PDZD2: variants seen among roughly 807,000 people sequenced by gnomAD.
The protein encoded by PDZD2 is PDZ domain containing 2.
In PDZD2, 90 loss-of-function variants were observed where a neutral mutation model predicts 220.7. The observed-to-expected ratio is 0.41, with a 90% confidence interval of 0.34 to 0.49. PDZD2 has a LOEUF of 0.49. Ranked by LOEUF, PDZD2 falls within the 20% of genes least tolerant of loss-of-function variation. The pLI is 0.28. For missense variants in PDZD2, 3,174 were observed against 3,608.5 expected (o/e 0.88, Z 3.08); for synonymous variants, 1,375 against 1,450.5 (o/e 0.95, Z 1.18).
At chr5:31,668,350 C>G (rs1476659501) in intron 1 of PDZD2, among the ~76,000 whole-genome samples, 1 of 152,088 alleles carries the variant, frequency 6.6e-6, no homozygotes, top group African/African-American at 2.4e-5. Context: ...TCCTTAGAAC[C>G]ACGGGGCTGC....
chr5:32,070,472 A>G (rs1740635065), intron 15 of PDZD2, among the ~76,000 whole-genome samples: 1 of 152,170 alleles, frequency 6.6e-6, no homozygotes, highest in Admixed American at 6.5e-5. Context: ...CCACTTGATC[A>G]TTTATAAAGA....
chr5:31,808,734 G>T (rs1754893276), intron 2 of PDZD2, among the ~76,000 whole-genome samples: 1 of 152,098 alleles, frequency 6.6e-6, no homozygotes, highest in African/African-American at 2.4e-5. Flanking sequence ...GCCAGCACTT[G>T]GGGAGGCTGA....
chr5:31,852,805 C>T (rs1758135088), intron 2 of PDZD2, among the ~76,000 whole-genome samples: 1 of 152,194 alleles, frequency 6.6e-6, no homozygotes, highest in Non-Finnish European at 1.5e-5. Flanking sequence ...CCATGTTGGT[C>T]AGGCTGGTCT....
rs530650296 is a variant in PDZD2 at position 31,888,164 on chromosome 5, T to A, written c.476+88440T>A. On this transcript the variant is annotated intron_variant, in intron 2 of 24. Coordinates refer to ENST00000438447, the MANE Select transcript of PDZD2 (RefSeq NM_178140.4). The stretch of plus-strand genomic sequence containing the variant: ...TTTCTTTTTCTTTTTTATTTTCTCT[T>A]CTTTCCTCTTTTCTTCTCTTCTCTT... Among the ~76,000 whole-genome samples, 8 of 152,146 alleles carry A rather than the reference T, an allele frequency of 5.3e-5. No homozygotes were observed. In the East Asian group the frequency reaches 1.5e-3, roughly 29 times the overall value.
Position 31,914,303 on chromosome 5 carries a change from G to A in PDZD2, c.477-68852G>A, listed in dbSNP as rs557449740. ...TCCCAATACTTTGGGGGGCTGAGGC[G>A]GGTGGATCACGAGGTCAGGAGTTCA... On this transcript the variant is annotated intron_variant, in intron 2 of 24. Transcript: ENST00000438447. Among the ~76,000 whole-genome samples, 55 of 152,340 alleles carry A rather than the reference G, an allele frequency of 3.6e-4. 1 individual carries two copies. Among genetic ancestry groups the A allele is most frequent in the African/African-American group, 1.2e-3 (48 of 41,590 alleles).
At chr5:32,028,946 T>C (rs530312508) in intron 6 of PDZD2, among the ~76,000 whole-genome samples, 6 of 152,276 alleles carry the variant, frequency 3.9e-5, no homozygotes, top group African/African-American at 1.4e-4. Flanking sequence ...GCCTCCCAAA[T>C]TGCTGGGATT....
chr5:32,057,966 G>C lies in PDZD2; in HGVS notation c.2063G>C (p.Ser688Thr), dbSNP rs773726958. 1 of 1,613,812 alleles carries C rather than the reference G, an allele frequency of 6.2e-7. No individual in the cohort carries two copies. Among genetic ancestry groups the C allele is most frequent in the African/African-American group, 1.3e-5 (1 of 74,900 alleles). Residue 688 changes from serine (S) to threonine (T), a missense_variant, in exon 12 of 25, where the codon AGC becomes ACC. Transcript: ENST00000438447. The stretch of plus-strand genomic sequence containing the variant: ...CCCTGCTCGACACCCACACACATGA[G>C]CAGATCCGCCTCCCCGAACTTCAAT... ...LTPCSTPTHM[S>T]RSASPNFNTS...
At chr5:32,097,837 T>C (rs1020737547) in intron 22 of PDZD2, among the ~76,000 whole-genome samples, 6 of 152,152 alleles carry the variant, frequency 3.9e-5, no homozygotes, top group Non-Finnish European at 1.5e-5. Context: ...GCCAGGCCCA[T>C]GTCAGACACT....
At chr5:31,928,915 A>G (rs1745019721) in intron 2 of PDZD2, among the ~76,000 whole-genome samples, 1 of 152,036 alleles carries the variant, frequency 6.6e-6, no homozygotes, top group Admixed American at 6.5e-5. Flanking sequence ...AAGAGGGAAT[A>G]TTAAGGATCT....
At chr5:31,702,948 C>T (rs1043410580) in intron 1 of PDZD2, among the ~76,000 whole-genome samples, 8 of 152,312 alleles carry the variant, frequency 5.3e-5, no homozygotes, top group Admixed American at 1.3e-4. Flanking sequence ...TTCAGTCTGC[C>T]GGGGCAGGGG....
chr5:31,881,779 G>A (rs918651431), intron 2 of PDZD2, among the ~76,000 whole-genome samples: 3 of 151,280 alleles, frequency 2.0e-5, no homozygotes, highest in African/African-American at 7.3e-5. Context: ...GCAGTGGCAC[G>A]ATCTCAGCTC....
chr5:31,735,150 G>A (rs1373677905), intron 1 of PDZD2, among the ~76,000 whole-genome samples: 4 of 152,172 alleles, frequency 2.6e-5, no homozygotes, highest in African/African-American at 7.2e-5. Flanking sequence ...TGGATATGAT[G>A]GCAGCTCAAG....
intron 7 of PDZD2, among the ~76,000 whole-genome samples, chr5:32,037,781 G>A (rs1304324432): frequency 6.6e-6 from 1 of 152,106 alleles, no homozygotes; most frequent in Non-Finnish European, 1.5e-5. Flanking sequence ...GAGAAAGTCA[G>A]CATTGAAAGC....
At chr5:31,752,078 T>TTTTTTTTTTG (rs1751027085) in intron 1 of PDZD2, among the ~76,000 whole-genome samples, 2 of 125,520 alleles carry the variant, frequency 1.6e-5, no homozygotes, top group African/African-American at 5.8e-5. Context: ...GGTTTGTTTT[T>TTTTTTTTTTG]TTTTTTTTTT....
chr5:31,827,254 G>A (rs1272899854), intron 2 of PDZD2, among the ~76,000 whole-genome samples: 1 of 152,130 alleles, frequency 6.6e-6, no homozygotes, highest in Non-Finnish European at 1.5e-5. Context: ...GCATATTGGG[G>A]AAATACTCTT....
chr5:31,903,811 C>T (rs2150360619), intron 2 of PDZD2, among the ~76,000 whole-genome samples: 1 of 152,146 alleles, frequency 6.6e-6, no homozygotes, highest in East Asian at 1.9e-4. Context: ...GCAACCTCTG[C>T]CTCCTGGGTT....
At chr5:31,981,699 T>C (rs6869724) in intron 2 of PDZD2, among the ~76,000 whole-genome samples, 2,976 of 152,324 alleles carry the variant, frequency 0.02, 96 homozygotes, top group African/African-American at 0.069. Context: ...TTGACACTTT[T>C]GCTTGGGAAC....
chr5:31,847,433 G>C lies in PDZD2; in HGVS notation c.476+47709G>C, dbSNP rs528815463. Reference sequence around the variant, plus strand: ...ACCCAAATACAGGATGAGAGTTCGCGTAACAGAGATATCATTTGTCAGATT... The same window carrying C: ...ACCCAAATACAGGATGAGAGTTCGCCTAACAGAGATATCATTTGTCAGATT... On this transcript the variant is annotated intron_variant, in intron 2 of 24. Coordinates refer to ENST00000438447, the MANE Select transcript of PDZD2 (RefSeq NM_178140.4). 74 of 540,044 alleles carry C rather than the reference G, an allele frequency of 1.4e-4. 1 individual carries two copies. The highest frequency in any genetic ancestry group is 1.1e-3 in the African/African-American group (58 of 53,036). The allele number at this position is 540,044 out of a possible 1,614,324, so 33.5% of individuals were successfully genotyped here. A position where few individuals can be genotyped will look rare whatever the true frequency, so the allele number is the denominator to read the frequency against.
At chr5:31,804,432 C>A (rs535118157) in intron 2 of PDZD2, among the ~76,000 whole-genome samples, 1 of 152,200 alleles carries the variant, frequency 6.6e-6, no homozygotes, top group Non-Finnish European at 1.5e-5. Context: ...TGAATAATTA[C>A]AAGAAGTACC....
Sources: allele counts gnomAD v4.1 joint callset (sites outside exome capture counted in the v4.1 genomes callset), GRCh38; gene constraint gnomAD v4.1.1; transcripts MANE v1.5; gene names NCBI Gene and HGNC (gene_info 2026-07-23, HGNC 2026-07-21).